The following SRGAP3 variants were observed in gnomAD, a reference collection of about 807,000 sequenced individuals.
SRGAP3 encodes the protein SLIT-ROBO Rho GTPase-activating protein 3.
In SRGAP3, 39 loss-of-function variants were observed where a neutral mutation model predicts 121.1. The ratio of observed to expected loss-of-function variants is 0.32; its 90% CI spans 0.25 to 0.42. The LOEUF (loss-of-function observed/expected upper bound fraction) is 0.42, where lower values mean the gene tolerates loss of function less well. Ranked by LOEUF, SRGAP3 falls within the 10% of genes least tolerant of loss-of-function variation. The probability of loss-of-function intolerance (pLI) is 1.00; values close to 1 mark genes in which losing one functional copy is unlikely to be tolerated. For missense variants in SRGAP3, 1,213 were observed against 1,470.6 expected, an observed-to-expected ratio of 0.82 and a Z score of 2.86; for synonymous variants, 601 against 570.0, an observed-to-expected ratio of 1.05 and a Z score of -0.77.
intron 1 of SRGAP3, among the ~76,000 whole-genome samples, chr3:9,169,301 T>A (rs550311757): frequency 6.6e-6 from 1 of 152,224 alleles, no homozygotes; most frequent in African/African-American, 2.4e-5. Context: ...CCTGCCCTTG[T>A]GGAGTTGACA....
chr3:9,336,517 A>C (rs1022628170), intron 1 of SRGAP3, among the ~76,000 whole-genome samples: 1 of 151,980 alleles, frequency 6.6e-6, no homozygotes, highest in Non-Finnish European at 1.5e-5. Flanking sequence ...GCCTGGCTGA[A>C]GTTTATTTTC....
At chr3:9,103,474 C>T (rs1442107356) in intron 3 of SRGAP3, among the ~76,000 whole-genome samples, 1 of 152,190 alleles carries the variant, frequency 6.6e-6, no homozygotes, top group East Asian at 1.9e-4. Context: ...CACCATTTCA[C>T]AAATGAGGAA....
intron 1 of SRGAP3, among the ~76,000 whole-genome samples, chr3:9,234,486 T>G (rs1177723075): frequency 6.6e-6 from 1 of 152,128 alleles, no homozygotes; most frequent in African/African-American, 2.4e-5. Flanking sequence ...GATGTTTCAT[T>G]GGTAAGAGTC....
Position 8,983,638 on chromosome 3 carries a change from TG to T in SRGAP3, c.*1880del, listed in dbSNP as rs988938294. The T allele has an allele frequency of 4.3e-6, 1 of 231,560 alleles. No homozygotes were observed. The highest frequency in any genetic ancestry group is 5.6e-5 in the Admixed American group (1 of 17,700). The allele number at this position is 231,560 out of a possible 1,614,324, so 14.3% of individuals were successfully genotyped here. A position where few individuals can be genotyped will look rare whatever the true frequency, so the allele number is the denominator to read the frequency against. The stretch of plus-strand genomic sequence containing the variant: ...CCACTGCTCACTTCTGAAATGCCAT[TG>T]GGAGGTTTCAAAAAGAAGGGCTGGA... On this transcript the variant is annotated 3_prime_UTR_variant, in exon 22 of 22. Transcript: ENST00000383836.
At chr3:9,231,910 C>G (rs556687456) in intron 1 of SRGAP3, among the ~76,000 whole-genome samples, 1 of 152,098 alleles carries the variant, frequency 6.6e-6, no homozygotes, top group Non-Finnish European at 1.5e-5. Context: ...AGACGTGACT[C>G]GCTCAAAAGA....
At chr3:9,323,691 G>A (rs1955471551) in intron 3 of SRGAP3, among the ~76,000 whole-genome samples, 1 of 151,430 alleles carries the variant, frequency 6.6e-6, no homozygotes, top group South Asian at 2.1e-4. Flanking sequence ...GGATGAGAAG[G>A]TACAGATGAT....
At chr3:9,119,511 G>A (rs1476761750) in intron 2 of SRGAP3, among the ~76,000 whole-genome samples, 1 of 152,144 alleles carries the variant, frequency 6.6e-6, no homozygotes, top group Non-Finnish European at 1.5e-5. Flanking sequence ...CTTAAACCAC[G>A]CTTCCTCCAG....
intron 1 of SRGAP3, among the ~76,000 whole-genome samples, chr3:9,128,784 C>A (rs186219721): frequency 2.2e-4 from 34 of 152,278 alleles, no homozygotes; most frequent in African/African-American, 7.9e-4. Context: ...CTACTGCTCC[C>A]AACAGCAACA....
At chr3:9,063,808 G>A (rs971994876) in intron 5 of SRGAP3, among the ~76,000 whole-genome samples, 1 of 152,242 alleles carries the variant, frequency 6.6e-6, no homozygotes, top group East Asian at 1.9e-4. Context: ...TCAAAACCCA[G>A]CTCATTTGAC....
At chr3:9,324,881 CG>C (rs1955492439) in intron 3 of SRGAP3, among the ~76,000 whole-genome samples, 1 of 151,390 alleles carries the variant, frequency 6.6e-6, no homozygotes, top group African/African-American at 2.4e-5. Context: ...GGCATGAACC[CG>C]GGAGGCGGAG....
At chr3:9,250,566 C>G (rs1346362799), upstream of SRGAP3, among the ~76,000 whole-genome samples, 3 of 152,084 alleles carry the variant, frequency 2.0e-5, no homozygotes, top group Non-Finnish European at 4.4e-5. Flanking sequence ...TAAGGAACAT[C>G]GGGAATGAGA....
chr3:9,064,599 G>A lies in SRGAP3; in HGVS notation c.487-18C>T, dbSNP rs778734247. Reference sequence around the variant, plus strand: ...TTCATGACCTGGGGGTGCACAAGTAGGGGAAATCAGCAGCCAGCTATGGCC... The same window carrying A: ...TTCATGACCTGGGGGTGCACAAGTAAGGGAAATCAGCAGCCAGCTATGGCC... On this transcript the variant is annotated intron_variant, in intron 4 of 21. Coordinates refer to ENST00000383836, the MANE Select transcript of SRGAP3 (RefSeq NM_014850.4). 1.2e-6 allele frequency: 2 copies of A among 1,613,744 alleles called. No homozygotes were observed. Among genetic ancestry groups the A allele is most frequent in the East Asian group, 2.2e-5 (1 of 44,828 alleles).
chr3:9,258,341 G>A (rs1480542392), intron 3 of SRGAP3, among the ~76,000 whole-genome samples: 1 of 152,176 alleles, frequency 6.6e-6, no homozygotes, highest in Non-Finnish European at 1.5e-5. Flanking sequence ...GGGACAATTG[G>A]TATAGCTGGA....
chr3:9,321,626 T>C (rs1955439837), intron 3 of SRGAP3, among the ~76,000 whole-genome samples: 1 of 151,902 alleles, frequency 6.6e-6, no homozygotes, highest in Non-Finnish European at 1.5e-5. Context: ...GATAAAAATG[T>C]TCAAAGATAC....
At position 9,303,466 on chromosome 3, in the gene SRGAP3, C is replaced by T. The variant is rs546651798; in HGVS notation, n.442+22544G>A. On this transcript the variant is annotated intron_variant and non_coding_transcript_variant, in intron 3 of 3. Coordinates refer to the SRGAP3 transcript ENST00000490889. The stretch of plus-strand genomic sequence containing the variant: ...GAACACTTAACATAAGACCTACCCT[C>T]TTAATGGATTTTCCAGTACACAATA... Among the ~76,000 whole-genome samples, 16 of 151,948 alleles carry T rather than the reference C, an allele frequency of 1.1e-4. No individual in the cohort carries two copies. The South Asian group carries it at 3.1e-3, about 30-fold the overall frequency.
In SRGAP3 at chr3:9,125,027, C is replaced by T. The variant is rs548653467; in HGVS notation, c.68-110G>A. Reference sequence around the variant, plus strand: ...CAATTCAGGCAGCTCCCTCCTAACACCATCCAGAGCCTCTCTGAGCCCAGC... The same window carrying T: ...CAATTCAGGCAGCTCCCTCCTAACATCATCCAGAGCCTCTCTGAGCCCAGC... On this transcript the variant is annotated intron_variant, in intron 1 of 21. Coordinates refer to ENST00000383836, the MANE Select transcript of SRGAP3 (RefSeq NM_014850.4). 5.4e-5 allele frequency: 67 copies of T among 1,241,326 alleles called. No individual in the cohort carries two copies. The African/African-American group carries it at 9.5e-4, about 18-fold the overall frequency. 76.9% of individuals were successfully genotyped at this position (1,241,326 alleles called of 1,614,324 possible).
chr3:9,172,132 T>C (rs1951005562), intron 1 of SRGAP3, among the ~76,000 whole-genome samples: 1 of 150,670 alleles, frequency 6.6e-6, no homozygotes, highest in Non-Finnish European at 1.5e-5. Flanking sequence ...CTCGCTCTGT[T>C]GCCTAGGCTG....
chr3:9,063,775 G>C (rs1308236224), intron 5 of SRGAP3, among the ~76,000 whole-genome samples: 1 of 152,194 alleles, frequency 6.6e-6, no homozygotes, highest in Non-Finnish European at 1.5e-5. Context: ...GCAGCTCAGA[G>C]AGGTGTTGTA....
intron 3 of SRGAP3, among the ~76,000 whole-genome samples, chr3:9,096,863 T>C (rs1372889528): frequency 1.4e-5 from 2 of 143,374 alleles, no homozygotes; most frequent in Non-Finnish European, 3.0e-5. Flanking sequence ...ATAATCATCC[T>C]AATAATAGCT....
Sources: gnomAD v4.1 joint callset for allele counts (sites outside exome capture counted in the v4.1 genomes callset) on GRCh38, gnomAD v4.1.1 for gene constraint, MANE v1.5 for transcripts, NCBI Gene and HGNC (gene_info 2026-07-23, HGNC 2026-07-21) for gene names.